The following GPLD1 variants were observed in gnomAD, a reference collection of about 807,000 sequenced individuals.
The protein encoded by GPLD1 is phosphatidylinositol-glycan-specific phospholipase D.
In GPLD1, 84 loss-of-function variants were observed where a neutral mutation model predicts 112.6. The ratio of observed to expected loss-of-function variants is 0.75; its 90% CI spans 0.63 to 0.89. The LOEUF is 0.89. Among genes scored for constraint, GPLD1 ranks in the 40% least tolerant of loss-of-function variants. The pLI, the probability that GPLD1 is intolerant of heterozygous loss-of-function variation, is 0.00. For synonymous variants in GPLD1, 386 were observed against 403.8 expected (o/e 0.96, Z 0.53); for missense variants, 1,044 against 1,051.5 (o/e 0.99, Z 0.10).
chr6:24,428,944 G>T lies in GPLD1; in HGVS notation c.*88C>A. 1.2e-6 allele frequency: 1 copy of T among 843,294 alleles called. No individual in the cohort carries two copies. The highest frequency in any genetic ancestry group is 1.9e-6 in the Non-Finnish European group (1 of 522,620). The allele number at this position is 843,294 out of a possible 1,614,324, so 52.2% of individuals were successfully genotyped here. A position where few individuals can be genotyped will look rare whatever the true frequency, so the allele number is the denominator to read the frequency against. On this transcript the variant is annotated 3_prime_UTR_variant, in exon 25 of 25. Transcript: ENST00000230036. Reference sequence around the variant, plus strand: ...ATCAGGATCTACCACCGCTCCACTGGATGTGCCACTTTGTCCATCAAAATG... The same window carrying T: ...ATCAGGATCTACCACCGCTCCACTGTATGTGCCACTTTGTCCATCAAAATG...
At chr6:24,494,344 T>C (rs187258345), upstream of GPLD1, among the ~76,000 whole-genome samples, 1 of 152,276 alleles carries the variant, frequency 6.6e-6, no homozygotes, top group African/African-American at 2.4e-5. Context: ...GTTTGGATCC[T>C]AGTCTGTTTA....
chr6:24,476,134 G>T, intron 4 of GPLD1, 47 bp downstream of exon 4: 3 of 1,021,596 alleles, frequency 2.9e-6, no homozygotes, highest in South Asian at 1.4e-5. Context: ...CACAGTGCAT[G>T]GCAGGTTTGG....
chr6:24,445,506 A>G lies in GPLD1; in HGVS notation c.2020+40T>C, dbSNP rs760565631. ...CAATACGACATGTACAAGCAGCCAC[A>G]TGACTGAAAGGAAGCACAGTTTCAC... On this transcript the variant is annotated intron_variant, in intron 20 of 24. Transcript: ENST00000230036. 2.2e-6 allele frequency: 3 copies of G among 1,344,998 alleles called. No individual in the cohort carries two copies. The Admixed American group carries it at 5.1e-5, about 23-fold the overall frequency. The allele number at this position is 1,344,998 out of a possible 1,614,324, so 83.3% of individuals were successfully genotyped here.
At chr6:24,466,993 G>A in intron 8 of GPLD1, 54 bp from the exon 9 acceptor site, 1 of 1,479,504 alleles carries the variant, frequency 6.8e-7, no homozygotes. Context: ...ACAGAGAAAT[G>A]AAGCAAATAA....
At chr6:24,482,200 A>G (rs1270495510) in intron 2 of GPLD1, among the ~76,000 whole-genome samples, 1 of 150,622 alleles carries the variant, frequency 6.6e-6, no homozygotes, top group Non-Finnish European at 1.5e-5. Context: ...TCCGGGTTCA[A>G]GCAATTCTTC....
In GPLD1 at chr6:24,435,824, CAAAAAAAAAA is replaced by C. The variant is rs557127362; in HGVS notation, c.2358+742_2358+751del. The C allele has an allele frequency of 9.1e-5, 3 of 32,898 alleles. 1 individual carries two copies. Among genetic ancestry groups the C allele is most frequent in the Admixed American group, 4.1e-4 (1 of 2,464 alleles). The allele number at this position is 32,898 out of a possible 1,614,324, so 2.0% of individuals were successfully genotyped here. A position where few individuals can be genotyped will look rare whatever the true frequency, so the allele number is the denominator to read the frequency against. ...TGGGCAATAGAGCCAGACGCTGTCT[CAAAAAAAAAA>C]AAAAAAAAAAAAAGTTAAATAATGG... On this transcript the variant is annotated intron_variant, in intron 22 of 24. Transcript: ENST00000230036.
At chr6:24,473,257 G>C (rs1763889363) in intron 6 of GPLD1, 1 of 166,438 alleles carries the variant, frequency 6.0e-6, no homozygotes, top group African/African-American at 2.4e-5. Flanking sequence ...ATATTTAAAA[G>C]CAATTTACTA....
chr6:24,438,249 G>A (rs9467154), intron 20 of GPLD1, among the ~76,000 whole-genome samples: 9,159 of 152,286 alleles, frequency 0.06, 641 homozygotes, highest in African/African-American at 0.17. Flanking sequence ...TTCTGTACAA[G>A]TATTCAATAA....
In GPLD1 at chr6:24,449,907, G is replaced by A. The variant is rs1001902484; in HGVS notation, c.1336-8C>T. ...GCCAAACCGACCTGAGGGCTGAAGA[G>A]GCACAAGTTTACTTCCCCTGGGCTG... is the stretch of plus-strand genomic sequence containing the variant. On this transcript the variant is annotated splice_region_variant and splice_polypyrimidine_tract_variant and intron_variant, in intron 14 of 24. Coordinates refer to ENST00000230036, the MANE Select transcript of GPLD1 (RefSeq NM_001503.4). The A allele has an allele frequency of 1.9e-6, 3 of 1,602,440 alleles. No homozygotes were observed. The African/African-American group carries it at 4.1e-5, about 22-fold the overall frequency.
chr6:24,457,709 C>T (rs981273825), intron 12 of GPLD1, among the ~76,000 whole-genome samples: 9 of 151,804 alleles, frequency 5.9e-5, no homozygotes, highest in Admixed American at 2.6e-4. Flanking sequence ...AGTAAAACCC[C>T]GTCTCTACTA....
At position 24,476,224 on chromosome 6, in the gene GPLD1, C is replaced by T; in HGVS notation, c.287G>A (p.Ser96Asn). 6.3e-7 allele frequency: 1 copy of T among 1,577,762 alleles called. No individual in the cohort carries two copies. Among genetic ancestry groups the T allele is most frequent in the African/African-American group, 1.3e-5 (1 of 74,426 alleles). The change falls in exon 4 of 25, where the codon AGC becomes AAC. Residue 96 changes from serine (S) to asparagine (N), a missense_variant. Transcript: ENST00000230036. ...ATAGTTCTCTCGGATATAATGAACGCTTGCATTAAGAAACGGAGTCCAGTG... is the reference window on the plus strand; with the variant it reads ...ATAGTTCTCTCGGATATAATGAACGTTTGCATTAAGAAACGGAGTCCAGTG... ...STHWTPFLNASVHYIRENYPL... is the reference protein window; with the variant it reads ...STHWTPFLNANVHYIRENYPL...
In GPLD1 at chr6:24,466,790, C is replaced by A. The variant is rs138270209; in HGVS notation, c.711G>T (p.Pro237=). The part of the protein sequence containing the change: ...KLYPTYSTKS[P]FLVEQFQEYF... ...ACTCTTGGAATTGTTCCACCAAAAA[C>A]GGGGACTTTGTAGAGTAAGTGGGAT... The change falls in exon 10 of 25, where the codon CCG becomes CCT. Residue 237 remains proline (P), a synonymous_variant. Coordinates refer to ENST00000230036, the MANE Select transcript of GPLD1 (RefSeq NM_001503.4). The A allele has an allele frequency of 6.2e-7, 1 of 1,612,058 alleles. No individual in the cohort carries two copies. The highest frequency in any genetic ancestry group is 8.5e-7 in the Non-Finnish European group (1 of 1,178,222).
In GPLD1 at chr6:24,453,925, T is replaced by C. The variant is rs1763178717; in HGVS notation, c.1335+90A>G. On this transcript the variant is annotated intron_variant, in intron 14 of 24. Transcript: ENST00000230036. ...AGCTGTTTGTTACTGTAATTATTCT[T>C]GTTATTAGTTACTCATCCTGGAGAA... 8.7e-6 allele frequency: 7 copies of C among 805,498 alleles called. No homozygotes were observed. In the East Asian group the frequency reaches 1.5e-4, roughly 17 times the overall value. The allele number at this position is 805,498 out of a possible 1,614,324, so 49.9% of individuals were successfully genotyped here.
chr6:24,462,797 T>G lies in GPLD1; in HGVS notation c.822-2A>C, dbSNP rs969027452. ...GGGTTCTCAGGCAGGTTGCAGTCAC[T>G]GAGGAAACAGTCAAATGAGTTAGCC... On this transcript the variant is annotated splice_acceptor_variant, in intron 10 of 24. Transcript: ENST00000230036. LOFTEE classifies it high-confidence loss of function. The G allele has an allele frequency of 6.2e-7, 1 of 1,607,494 alleles. No homozygotes were observed. Among genetic ancestry groups the G allele is most frequent in the South Asian group, 1.1e-5 (1 of 90,900 alleles).
chr6:24,485,936 TG>T, intron 2 of GPLD1, 138 bp downstream of exon 2: 1 of 573,354 alleles, frequency 1.7e-6, no homozygotes, highest in Non-Finnish European at 3.1e-6. Context: ...CCCAAAGTGC[TG>T]GGATTACAGG....
At chr6:24,470,914 T>C (rs1763795554) in intron 7 of GPLD1, among the ~76,000 whole-genome samples, 1 of 152,212 alleles carries the variant, frequency 6.6e-6, no homozygotes, top group South Asian at 2.1e-4. Context: ...ATTTCAAAAT[T>C]GTTAATTTTC....
At chr6:24,491,174 G>A (rs1764548903), upstream of GPLD1, among the ~76,000 whole-genome samples, 1 of 152,146 alleles carries the variant, frequency 6.6e-6, no homozygotes, top group Admixed American at 6.6e-5. Context: ...TGCAATGTGT[G>A]CAGGTTTCCA....
intron 12 of GPLD1, among the ~76,000 whole-genome samples, chr6:24,459,157 C>G (rs1272805574): frequency 1.3e-5 from 2 of 152,324 alleles, no homozygotes; most frequent in Admixed American, 1.3e-4. Flanking sequence ...TGATGAAATA[C>G]TATCTACTGT....
In GPLD1 at chr6:24,445,714, G is replaced by A. The variant is rs1295282376; in HGVS notation, c.1926+12C>T. The A allele has an allele frequency of 2.5e-6, 4 of 1,606,474 alleles. No individual in the cohort carries two copies. The highest frequency in any genetic ancestry group is 1.7e-6 in the Non-Finnish European group (2 of 1,173,138). ...AGTGTCCACTCTCCTGTGTGGGGAG[G>A]GCTTGTCATACCTTGTCTCCAGAAA... On this transcript the variant is annotated intron_variant, in intron 19 of 24. Coordinates refer to ENST00000230036, the MANE Select transcript of GPLD1 (RefSeq NM_001503.4).
Sources: gnomAD v4.1 joint callset for allele counts (sites outside exome capture counted in the v4.1 genomes callset) on GRCh38, gnomAD v4.1.1 for gene constraint, MANE v1.5 for transcripts, NCBI Gene and HGNC (gene_info 2026-07-23, HGNC 2026-07-21) for gene names.